TPD52L1: variants seen among roughly 807,000 people sequenced by gnomAD.
The protein encoded by TPD52L1 is tumor protein D53.
A neutral mutation model predicts 28.7 loss-of-function variants in TPD52L1; 18 were observed. That is an observed-to-expected ratio of 0.63 (90% CI 0.43 to 0.93). The LOEUF (loss-of-function observed/expected upper bound fraction) is 0.93, where lower values mean the gene tolerates loss of function less well. Ranked by LOEUF, TPD52L1 falls within the 40% of genes least tolerant of loss-of-function variation. The pLI, the probability that TPD52L1 is intolerant of heterozygous loss-of-function variation, is 0.00. For missense variants in TPD52L1, 203 were observed against 254.8 expected (o/e 0.80, Z 1.39); for synonymous variants, 75 against 88.8 (o/e 0.84, Z 0.88).
intron 1 of TPD52L1, chr6:125,154,478 G>A: frequency 4.1e-6 from 4 of 985,736 alleles, no homozygotes; most frequent in Non-Finnish European, 3.6e-6. Flanking sequence ...TCGGGGACCC[G>A]CCTTCCGAGG....
chr6:125,172,546 A>ACACACACACATACATATACACAC (rs1582856166), intron 1 of TPD52L1, among the ~76,000 whole-genome samples: 1 of 99,960 alleles, frequency 1.0e-5, no homozygotes, highest in Non-Finnish European at 1.9e-5. Flanking sequence ...ATATATATAT[A>ACACACACACATACATATACACAC]TATATAATAT....
chr6:125,189,357 C>G (rs1384605060), intron 1 of TPD52L1, among the ~76,000 whole-genome samples: 1 of 152,092 alleles, frequency 6.6e-6, no homozygotes, highest in Non-Finnish European at 1.5e-5. Flanking sequence ...TATGTACAGG[C>G]ATTTAAAGTG....
intron 1 of TPD52L1, among the ~76,000 whole-genome samples, chr6:125,202,074 G>A (rs1253092845): frequency 6.6e-6 from 1 of 152,136 alleles, no homozygotes; most frequent in Non-Finnish European, 1.5e-5. Context: ...GTCCCAGTAG[G>A]CATGGGTCCA....
intron 4 of TPD52L1, among the ~76,000 whole-genome samples, chr6:125,248,817 T>C (rs1797078056): frequency 6.6e-6 from 1 of 152,222 alleles, no homozygotes; most frequent in Non-Finnish European, 1.5e-5. Flanking sequence ...TACATATTTA[T>C]CCTTTTATTC....
intron 1 of TPD52L1, among the ~76,000 whole-genome samples, chr6:125,163,039 T>C (rs2114745326): frequency 6.6e-6 from 1 of 152,318 alleles, no homozygotes; most frequent in South Asian, 2.1e-4. Context: ...TGCCTTAATG[T>C]GTGCTGTGCC....
intron 3 of TPD52L1, among the ~76,000 whole-genome samples, chr6:125,231,609 TTTGTTGTTGTTGTTG>T (rs144723103): frequency 1.3e-4 from 19 of 151,212 alleles, no homozygotes; most frequent in Admixed American, 1.1e-3. Flanking sequence ...AGTTTGAGTT[TTTGTTGTTGTTGTTG>T]TTGTTGTTGT....
At chr6:125,184,821 C>G (rs1363339344) in intron 1 of TPD52L1, among the ~76,000 whole-genome samples, 2 of 150,986 alleles carry the variant, frequency 1.3e-5, no homozygotes, top group Non-Finnish European at 3.0e-5. Context: ...ACAAAGTAAA[C>G]TAAATTGTAA....
intron 1 of TPD52L1, among the ~76,000 whole-genome samples, chr6:125,207,134 C>G (rs1794205445): frequency 6.6e-6 from 1 of 152,134 alleles, no homozygotes; most frequent in African/African-American, 2.4e-5. Flanking sequence ...GAGACATAAG[C>G]CACCCTGGAC....
At chr6:125,154,135 C>T (rs1789954244) in intron 1 of TPD52L1, 165 bp downstream of exon 1, 2 of 1,402,680 alleles carry the variant, frequency 1.4e-6, no homozygotes, top group Non-Finnish European at 1.9e-6. Flanking sequence ...GCTGCCCAAA[C>T]TCAGGATTTG....
rs183784231 is a variant in TPD52L1 at position 125,211,381 on chromosome 6, T to G, written c.20-8697T>G. Among the ~76,000 whole-genome samples the G allele has an allele frequency of 1.3e-5, 2 of 152,248 alleles. 1 individual carries two copies. The highest frequency in any genetic ancestry group is 3.9e-4 in the East Asian group (2 of 5,174). On this transcript the variant is annotated intron_variant, in intron 1 of 6. Transcript: ENST00000534000. Reference sequence around the variant, plus strand: ...TGTAAGAAAGAAAAAGTGCTGTCAATTAATTGCAAGACATAATTGATTATG... The same window carrying G: ...TGTAAGAAAGAAAAAGTGCTGTCAAGTAATTGCAAGACATAATTGATTATG...
At position 125,259,216 on chromosome 6, in the gene TPD52L1, G is replaced by C. The variant is rs553608430; in HGVS notation, c.486+2058G>C. Among the ~76,000 whole-genome samples, 5 of 152,240 alleles carry C rather than the reference G, an allele frequency of 3.3e-5. No homozygotes were observed. In the South Asian group the frequency reaches 1.0e-3, roughly 32 times the overall value. On this transcript the variant is annotated intron_variant, in intron 6 of 6. Transcript: ENST00000534000. Reference sequence around the variant, plus strand: ...CTATGTGCTGCATTTCCATTCACATGCCCTGCTTTCAATTTGATTTTTGAA... The same window carrying C: ...CTATGTGCTGCATTTCCATTCACATCCCCTGCTTTCAATTTGATTTTTGAA...
At chr6:125,224,941 A>AGTGTT (rs1795508474) in intron 2 of TPD52L1, among the ~76,000 whole-genome samples, 4 of 152,340 alleles carry the variant, frequency 2.6e-5, no homozygotes, top group South Asian at 4.1e-4. Context: ...GTGCACTCAC[A>AGTGTT]GTGTTGTGTT....
intron 2 of TPD52L1, among the ~76,000 whole-genome samples, chr6:125,224,107 G>A (rs578051499): frequency 6.7e-6 from 1 of 149,494 alleles, no homozygotes; most frequent in African/African-American, 2.5e-5. Context: ...CAATAATTCT[G>A]TGCCACTATC....
At chr6:125,248,180 C>T in intron 3 of TPD52L1, 102 bp from the exon 4 acceptor site, 1 of 934,932 alleles carries the variant, frequency 1.1e-6, no homozygotes, top group Non-Finnish European at 1.7e-6. Flanking sequence ...CTTCCTAAAT[C>T]TGTTGAGGAA....
chr6:125,249,627 G>T (rs191764361), intron 4 of TPD52L1, among the ~76,000 whole-genome samples: 5 of 150,348 alleles, frequency 3.3e-5, no homozygotes, highest in Admixed American at 3.3e-4. Flanking sequence ...AGGAGGCAGA[G>T]GTTGCAGTGA....
chr6:125,246,100 A>T (rs1239769097), intron 3 of TPD52L1, among the ~76,000 whole-genome samples: 1 of 152,190 alleles, frequency 6.6e-6, no homozygotes, highest in Non-Finnish European at 1.5e-5. Flanking sequence ...CTCAAGCTAG[A>T]GAAACTGGGA....
At chr6:125,176,442 C>G (rs1052598867) in intron 1 of TPD52L1, among the ~76,000 whole-genome samples, 2 of 152,108 alleles carry the variant, frequency 1.3e-5, no homozygotes, top group Admixed American at 6.5e-5. Context: ...ATTTCAGTGG[C>G]CTTTCAATGG....
chr6:125,231,624 GTTGTTGTTGT>G (rs1007617208), intron 3 of TPD52L1, among the ~76,000 whole-genome samples: 3 of 147,638 alleles, frequency 2.0e-5, no homozygotes, highest in African/African-American at 7.8e-5. Context: ...TGTTGTTGTT[GTTGTTGTTGT>G]TTGTTTGTTT....
intron 4 of TPD52L1, 84 bp from the exon 5 acceptor site, chr6:125,253,633 A>T (rs757499250): frequency 8.1e-7 from 1 of 1,229,396 alleles, no homozygotes; most frequent in Non-Finnish European, 1.2e-6. Flanking sequence ...CTGTTTTAGA[A>T]CTACGAATAG....
Sources: allele counts gnomAD v4.1 joint callset (sites outside exome capture counted in the v4.1 genomes callset), GRCh38; gene constraint gnomAD v4.1.1; transcripts MANE v1.5; gene names NCBI Gene and HGNC (gene_info 2026-07-23, HGNC 2026-07-21).